MECOM: variants seen among roughly 807,000 people sequenced by gnomAD.
MECOM encodes the protein MDS1 and EVI1 complex locus, also known as histone-lysine N-methyltransferase MECOM.
In MECOM, 13 loss-of-function variants were observed where a neutral mutation model predicts 116.3. The ratio of observed to expected loss-of-function variants is 0.11; its 90% CI spans 0.07 to 0.18. The LOEUF (loss-of-function observed/expected upper bound fraction) is 0.18. Ranked by LOEUF, MECOM falls within the 10% of genes least tolerant of loss-of-function variation. The probability of loss-of-function intolerance (pLI) is 1.00; values close to 1 mark genes in which losing one functional copy is unlikely to be tolerated. For missense variants in MECOM, 1,299 were observed against 1,509.0 expected, an observed-to-expected ratio of 0.86 and a Z score of 2.31; for synonymous variants, 528 against 535.2, an observed-to-expected ratio of 0.99 and a Z score of 0.19.
chr3:169,087,111 C>A (rs943283063), intron 16 of MECOM, among the ~76,000 whole-genome samples: 3 of 152,132 alleles, frequency 2.0e-5, no homozygotes, highest in African/African-American at 7.2e-5. Context: ...ATAACAGTAA[C>A]AGTCCAGCTG....
chr3:169,588,613 A>AT (rs924890587), intron 1 of MECOM, among the ~76,000 whole-genome samples: 5 of 151,798 alleles, frequency 3.3e-5, no homozygotes, highest in Admixed American at 6.6e-5. Context: ...TGATGGAGAG[A>AT]TTTTTTTTTA....
intron 2 of MECOM, among the ~76,000 whole-genome samples, chr3:169,246,134 A>T (rs1189906850): frequency 6.6e-6 from 1 of 152,234 alleles, no homozygotes; most frequent in African/African-American, 2.4e-5. Flanking sequence ...AGAAAACAAA[A>T]ATTAGAACTA....
intron 16 of MECOM, among the ~76,000 whole-genome samples, chr3:169,088,392 G>A (rs1718553845): frequency 6.6e-6 from 1 of 152,126 alleles, no homozygotes; most frequent in Non-Finnish European, 1.5e-5. Context: ...ATGTTGTAGA[G>A]CCTAATAAAT....
chr3:169,123,474 G>A (rs1731775810), intron 5 of MECOM, among the ~76,000 whole-genome samples: 1 of 151,904 alleles, frequency 6.6e-6, no homozygotes, highest in South Asian at 2.1e-4. Context: ...CTGTTTTAAA[G>A]TTTAAATTGT....
intron 2 of MECOM, among the ~76,000 whole-genome samples, chr3:169,263,520 G>GCACACACACA (rs3077288): frequency 5.5e-5 from 8 of 146,498 alleles, no homozygotes; most frequent in African/African-American, 2.0e-4. Context: ...CAGAGCACTT[G>GCACACACACA]CACACACACA....
intron 2 of MECOM, chr3:169,146,448 G>A (rs1739954558): frequency 1.4e-6 from 2 of 1,388,140 alleles, no homozygotes; most frequent in South Asian, 1.1e-5. Flanking sequence ...GCAAGGAAAA[G>A]AGGCCGACAA....
At chr3:169,207,677 G>A (rs1750127296) in intron 2 of MECOM, among the ~76,000 whole-genome samples, 2 of 152,154 alleles carry the variant, frequency 1.3e-5, no homozygotes, top group South Asian at 4.1e-4. Context: ...ATGCTTCCTA[G>A]TGCAGGTATT....
chr3:169,444,333 T>A (rs962837891), intron 1 of MECOM, among the ~76,000 whole-genome samples: 4 of 152,172 alleles, frequency 2.6e-5, no homozygotes, highest in African/African-American at 9.7e-5. Flanking sequence ...CACCCAAATC[T>A]CCACTTGAAT....
At chr3:169,236,975 C>T (rs557312334) in intron 2 of MECOM, among the ~76,000 whole-genome samples, 30 of 152,186 alleles carry the variant, frequency 2.0e-4, no homozygotes, top group African/African-American at 7.2e-4. Flanking sequence ...TACTTGACCT[C>T]TCAACTGTGA....
At chr3:169,097,825 A>T (rs1420600319) in intron 12 of MECOM, among the ~76,000 whole-genome samples, 11 of 135,902 alleles carry the variant, frequency 8.1e-5, no homozygotes, top group African/African-American at 1.4e-4. Flanking sequence ...TATAAAAAAA[A>T]AAAAAAAAAA....
chr3:169,631,610 C>G (rs1046189509), intron 1 of MECOM, among the ~76,000 whole-genome samples: 1 of 109,032 alleles, frequency 9.2e-6, no homozygotes, highest in African/African-American at 3.6e-5. Context: ...ATCCCTCCCC[C>G]CTCCCCCCAC....
intron 2 of MECOM, among the ~76,000 whole-genome samples, chr3:169,266,197 T>G (rs987254): frequency 0.21 from 31,784 of 152,140 alleles, 3,847 homozygotes; most frequent in East Asian, 0.6. Context: ...AAAGACAAAT[T>G]GACAGCCAGG....
At chr3:169,241,479 A>G (rs1463656) in intron 2 of MECOM, among the ~76,000 whole-genome samples, 12,100 of 152,262 alleles carry the variant, frequency 0.079, 674 homozygotes, top group East Asian at 0.31. Context: ...TATAAAGAGA[A>G]TCCGAAACTA....
intron 1 of MECOM, among the ~76,000 whole-genome samples, chr3:169,435,771 T>A (rs184705372): frequency 1.2e-3 from 186 of 152,334 alleles, no homozygotes; most frequent in African/African-American, 3.9e-3. Context: ...ACTGCATTTC[T>A]TGAAAAAATT....
chr3:169,289,080 T>G (rs1014675376), intron 2 of MECOM, among the ~76,000 whole-genome samples: 83 of 152,232 alleles, frequency 5.5e-4, no homozygotes, highest in African/African-American at 1.9e-3. Context: ...GCACAGTGAA[T>G]ATCAGATGGT....
intron 1 of MECOM, among the ~76,000 whole-genome samples, chr3:169,461,072 T>C (rs1001901006): frequency 3.3e-5 from 5 of 152,146 alleles, no homozygotes; most frequent in African/African-American, 1.2e-4. Flanking sequence ...TCTTTTTTTT[T>C]CTAAAACAGA....
chr3:169,251,850 C>A (rs1756277379), intron 2 of MECOM, among the ~76,000 whole-genome samples: 1 of 152,076 alleles, frequency 6.6e-6, no homozygotes, highest in African/African-American at 2.4e-5. Context: ...TCTGACTACT[C>A]AGAATAGGAA....
In MECOM at chr3:169,381,326, T is replaced by C. The variant is rs767236017; in HGVS notation, c.236A>G (p.Glu79Gly). The C allele has an allele frequency of 6.2e-7, 1 of 1,613,872 alleles. No individual in the cohort carries two copies. Among genetic ancestry groups the C allele is most frequent in the East Asian group, 2.2e-5 (1 of 44,856 alleles). The change falls in exon 2 of 17, where the codon GAG (glutamate) becomes GGG (glycine). Residue 79 changes from glutamate to glycine, a missense_variant. By Grantham distance (98) the Glu-to-Gly change is moderately conservative. Coordinates refer to ENST00000651503, the MANE Select transcript of MECOM (RefSeq NM_004991.4). ...YIPDDIPIPA[E>G]FELRESNMPG... ...CATATTTGACTCTCGAAGTTCAAAC[T>C]CAGCAGGAATGGGGATATCATCAGG...
intron 1 of MECOM, among the ~76,000 whole-genome samples, chr3:169,616,065 C>T (rs1274048419): frequency 2.6e-5 from 4 of 152,160 alleles, no homozygotes; most frequent in Admixed American, 6.5e-5. Flanking sequence ...GAGGGGGAGT[C>T]GCTGTCAGTA....
Sources: gnomAD v4.1 joint callset for allele counts (sites outside exome capture counted in the v4.1 genomes callset) on GRCh38, gnomAD v4.1.1 for gene constraint, MANE v1.5 for transcripts, NCBI Gene and HGNC (gene_info 2026-07-23, HGNC 2026-07-21) for gene names.